The following CPQ variants were observed in gnomAD, a reference collection of about 807,000 sequenced individuals.
CPQ encodes the protein Ser-Met dipeptidase.
A neutral mutation model predicts 45.7 loss-of-function variants in CPQ; 37 were observed. That is an observed-to-expected ratio of 0.81 (90% CI 0.62 to 1.07). CPQ has a LOEUF of 1.07. CPQ is among the 50% of genes least tolerant of loss of function. The pLI is 0.00. For missense variants in CPQ, 537 were observed against 572.9 expected (o/e 0.94, Z 0.64); for synonymous variants, 186 against 205.8 (o/e 0.90, Z 0.82).
At chr8:97,123,206 A>AAAAAT (rs1164063488) in intron 7 of CPQ, among the ~76,000 whole-genome samples, 20,224 of 90,488 alleles carry the variant, frequency 0.22, 4,061 homozygotes, top group Non-Finnish European at 0.32. Flanking sequence ...AAATAAAATA[A>AAAAAT]AAAATAAAAT....
intron 6 of CPQ, among the ~76,000 whole-genome samples, chr8:97,036,938 G>A (rs1810016124): frequency 6.6e-6 from 1 of 152,120 alleles, no homozygotes; most frequent in Admixed American, 6.5e-5. Flanking sequence ...CATTAATAAG[G>A]GCAATATTTT....
intron 4 of CPQ, among the ~76,000 whole-genome samples, chr8:96,892,590 T>A (rs767483978): frequency 6.6e-6 from 1 of 152,200 alleles, no homozygotes; most frequent in African/African-American, 2.4e-5. Context: ...ATAAACTTTT[T>A]ATGGCTTAGA....
At chr8:96,816,122 G>T (rs570849731) in intron 2 of CPQ, among the ~76,000 whole-genome samples, 2 of 152,208 alleles carry the variant, frequency 1.3e-5, no homozygotes, top group South Asian at 4.1e-4. Context: ...GATGGTGTTT[G>T]GTAGCATTTT....
At chr8:96,845,394 T>C (rs1200611361) in intron 3 of CPQ, among the ~76,000 whole-genome samples, 1 of 152,232 alleles carries the variant, frequency 6.6e-6, no homozygotes, top group African/African-American at 2.4e-5. Context: ...TTAAGAGATA[T>C]TGATTGAATA....
intron 4 of CPQ, among the ~76,000 whole-genome samples, chr8:96,893,438 C>T (rs1346294906): frequency 6.6e-6 from 1 of 152,216 alleles, no homozygotes; most frequent in Admixed American, 6.5e-5. Context: ...CTAGAGCTCA[C>T]ACTGTGCAGC....
At chr8:97,048,948 G>A (rs62508626) in intron 6 of CPQ, among the ~76,000 whole-genome samples, 1,646 of 152,198 alleles carry the variant, frequency 0.011, 17 homozygotes, top group Non-Finnish European at 0.017. Flanking sequence ...GATAAGAATG[G>A]AGCAAATGAA....
intron 4 of CPQ, among the ~76,000 whole-genome samples, chr8:96,964,971 C>T (rs1485120762): frequency 2.6e-5 from 4 of 152,186 alleles, no homozygotes; most frequent in Admixed American, 2.6e-4. Context: ...AATTTAGTTT[C>T]AGTGAATTTT....
At chr8:96,714,207 C>T (rs569524803) in intron 1 of CPQ, among the ~76,000 whole-genome samples, 9 of 152,296 alleles carry the variant, frequency 5.9e-5, no homozygotes, top group Admixed American at 1.3e-4. Context: ...GGAACTTTTC[C>T]GCAATTATTC....
Position 96,850,712 on chromosome 8 carries a change from C to T in CPQ, c.641+15532C>T, listed in dbSNP as rs148145103. Among the ~76,000 whole-genome samples the T allele has an allele frequency of 5.6e-3, 857 of 151,878 alleles. 10 individuals carry two copies. The highest frequency in any genetic ancestry group is 0.019 in the African/African-American group (780 of 41,408). On this transcript the variant is annotated intron_variant, in intron 3 of 7. Coordinates refer to ENST00000220763, the MANE Select transcript of CPQ (RefSeq NM_016134.4). ...ACAACCTCTGTCTCCAGGGTTCAAG[C>T]GATTCTCCTGCCTCAACCTCCCTAG...
chr8:96,949,444 T>C (rs1813231311), intron 4 of CPQ, among the ~76,000 whole-genome samples: 1 of 152,062 alleles, frequency 6.6e-6, no homozygotes, highest in South Asian at 2.1e-4. Flanking sequence ...TGATCACTTT[T>C]ATCTGGTCTG....
At chr8:96,853,270 C>G (rs1173101677) in intron 3 of CPQ, among the ~76,000 whole-genome samples, 1 of 152,132 alleles carries the variant, frequency 6.6e-6, no homozygotes, top group Non-Finnish European at 1.5e-5. Flanking sequence ...ATGAAACATT[C>G]TAAAATTCAA....
intron 7 of CPQ, among the ~76,000 whole-genome samples, chr8:97,120,706 G>A (rs939697880): frequency 6.6e-6 from 1 of 152,190 alleles, no homozygotes; most frequent in African/African-American, 2.4e-5. Context: ...GGAGCTTAAT[G>A]TTCCTTGGTA....
chr8:97,072,811 G>GTACAA (rs1342371899), intron 7 of CPQ, among the ~76,000 whole-genome samples: 1 of 152,076 alleles, frequency 6.6e-6, no homozygotes, highest in Non-Finnish European at 1.5e-5. Flanking sequence ...GGGTACACTC[G>GTACAA]TACAATGCCC....
At chr8:96,857,340 C>T (rs1419849464) in intron 3 of CPQ, among the ~76,000 whole-genome samples, 6 of 152,194 alleles carry the variant, frequency 3.9e-5, no homozygotes, top group African/African-American at 7.2e-5. Context: ...CAAAAACCCC[C>T]GCCTCCTCCT....
intron 1 of CPQ, among the ~76,000 whole-genome samples, chr8:96,726,828 T>TA (rs1241945185): frequency 2.0e-5 from 3 of 152,288 alleles, no homozygotes; most frequent in South Asian, 2.1e-4. Context: ...TTGACCTCCT[T>TA]ACCAAGTGAT....
At position 97,045,920 on chromosome 8, in the gene CPQ, G is replaced by A. The variant is rs114726660; in HGVS notation, c.1053+16426G>A. On this transcript the variant is annotated intron_variant, in intron 6 of 7. Coordinates refer to ENST00000220763, the MANE Select transcript of CPQ (RefSeq NM_016134.4). ...GCACATCCACTTTGTACTTTGAGAC[G>A]CAGTATCCAGAAGCCAGGATGGGCA... Among the ~76,000 whole-genome samples the A allele has an allele frequency of 7.5e-3, 1,143 of 152,328 alleles. 14 individuals are homozygous for A. The highest frequency in any genetic ancestry group is 0.026 in the African/African-American group (1,063 of 41,560).
At chr8:96,900,914 G>A (rs1414483903) in intron 4 of CPQ, among the ~76,000 whole-genome samples, 1 of 152,078 alleles carries the variant, frequency 6.6e-6, no homozygotes, top group Non-Finnish European at 1.5e-5. Context: ...CAAATATCTT[G>A]TCTTCATGAG....
chr8:96,700,915 TA>T (rs1809450537), intron 1 of CPQ, among the ~76,000 whole-genome samples: 1 of 152,212 alleles, frequency 6.6e-6, no homozygotes, highest in Non-Finnish European at 1.5e-5. Context: ...AACTGGAATT[TA>T]AAATATATTT....
intron 5 of CPQ, among the ~76,000 whole-genome samples, chr8:96,984,927 C>T (rs1586480465): frequency 6.6e-6 from 1 of 152,104 alleles, no homozygotes; most frequent in Non-Finnish European, 1.5e-5. Flanking sequence ...TTATTTCTTT[C>T]TCCTGGTTCA....
Sources: allele counts gnomAD v4.1 joint callset (sites outside exome capture counted in the v4.1 genomes callset), GRCh38; gene constraint gnomAD v4.1.1; transcripts MANE v1.5; gene names NCBI Gene and HGNC (gene_info 2026-07-23, HGNC 2026-07-21).